Variants in FAAH observed in about 807,000 individuals in gnomAD.
FAAH encodes fatty acid amide hydrolase.
A neutral mutation model predicts 69.7 loss-of-function variants in FAAH; 63 were observed. That is an observed-to-expected ratio of 0.90 (90% CI 0.74 to 1.12). FAAH has a LOEUF of 1.12. FAAH is among the 50% of genes most tolerant of loss of function. The pLI, the probability that FAAH is intolerant of heterozygous loss-of-function variation, is 0.00. For synonymous variants in FAAH, 305 were observed against 324.2 expected, an observed-to-expected ratio of 0.94 and a Z score of 0.64; for missense variants, 680 against 755.0, an observed-to-expected ratio of 0.90 and a Z score of 1.16.
intron 1 of FAAH, among the ~76,000 whole-genome samples, chr1:46,401,542 A>T (rs1036728820): frequency 6.6e-6 from 1 of 151,962 alleles, no homozygotes; most frequent in African/African-American, 2.4e-5. Context: ...CAACCCCCTG[A>T]GTAGTGTTCA....
chr1:46,411,565 CCGTGGCTGTGACCAT>C lies in FAAH; in HGVS notation c.1317-45_1317-31del. ...AGTAGGGGTCTGATGTTGCTGATCT[CCGTGGCTGTGACCAT>C]CATGGCTGGTGACCACACTCCTTCT... On this transcript the variant is annotated intron_variant, in intron 11 of 14. Coordinates refer to ENST00000243167, the MANE Select transcript of FAAH (RefSeq NM_001441.3). The surrounding 1 kb of genome is among the most constrained non-coding windows in gnomAD (Gnocchi z 4.8). The C allele has an allele frequency of 6.2e-7, 1 of 1,610,398 alleles. No homozygotes were observed. The highest frequency in any genetic ancestry group is 8.5e-7 in the Non-Finnish European group (1 of 1,177,360).
At position 46,402,159 on chromosome 1, in the gene FAAH, T is replaced by C; in HGVS notation, c.264T>C (p.Ser88=). The C allele has an allele frequency of 5.0e-6, 8 of 1,609,628 alleles. No individual in the cohort carries two copies. The highest frequency in any genetic ancestry group is 6.8e-6 in the Non-Finnish European group (8 of 1,177,986). ...CTCAGCTGGTGCAGAAGTTACACAG[T>C]AGAGAGCTGGCCCCTGAGGCCGTGC... ...PLPQLVQKLH[S]RELAPEAVLF... The change falls in exon 2 of 15, where the codon AGT becomes AGC. Residue 88 remains serine (S), a synonymous_variant. Coordinates refer to ENST00000243167, the MANE Select transcript of FAAH (RefSeq NM_001441.3).
At chr1:46,406,608 A>C (rs1324666189) in intron 7 of FAAH, among the ~76,000 whole-genome samples, 1 of 112,600 alleles carries the variant, frequency 8.9e-6, no homozygotes, top group Non-Finnish European at 1.7e-5. Flanking sequence ...TTTGAGACTG[A>C]GTATCGCTCT....
intron 8 of FAAH, 83 bp from the exon 9 acceptor site, chr1:46,409,018 C>A: frequency 8.6e-7 from 1 of 1,164,926 alleles, no homozygotes; most frequent in Non-Finnish European, 1.3e-6. Context: ...TGGTCCAATC[C>A]ATCCTCAGGG....
chr1:46,413,413 G>A, intron 14 of FAAH, 34 bp from the exon 15 acceptor site: 1 of 1,613,936 alleles, frequency 6.2e-7, no homozygotes, highest in Non-Finnish European at 8.5e-7. Context: ...GTCCTGCCTT[G>A]CTAACCCTAT....
At position 46,398,094 on chromosome 1, in the gene FAAH, C is replaced by T. The variant is rs145537928; in HGVS notation, c.195+3551C>T. ...GGTTACAGGTGCCTGCCACCATGCC[C>T]GGCTAATTTTTGTATTTTTTAGTAG... is the stretch of plus-strand genomic sequence containing the variant. On this transcript the variant is annotated intron_variant, in intron 1 of 14. Transcript: ENST00000243167. 1.2e-3 allele frequency among the ~76,000 whole-genome samples: 183 copies of T among 151,800 alleles called. 1 individual carries two copies. Among genetic ancestry groups the T allele is most frequent in the Non-Finnish European group, 1.8e-3 (123 of 67,910 alleles).
intron 7 of FAAH, among the ~76,000 whole-genome samples, chr1:46,408,177 T>C (rs1484717980): frequency 1.3e-5 from 2 of 152,182 alleles, no homozygotes; most frequent in African/African-American, 4.8e-5. Flanking sequence ...CTTGTCACTC[T>C]GCATTGGGTA....
chr1:46,407,560 C>G (rs1664821709), intron 7 of FAAH, among the ~76,000 whole-genome samples: 1 of 152,062 alleles, frequency 6.6e-6, no homozygotes, highest in African/African-American at 2.4e-5. Flanking sequence ...GTATTTTGCT[C>G]TCTTGAGTGT....
At position 46,410,717 on chromosome 1, in the gene FAAH, G is replaced by A. The variant is rs1045280918; in HGVS notation, c.1276-97G>A. On this transcript the variant is annotated intron_variant, in intron 10 of 14. Transcript: ENST00000243167. This position sits in a 1 kb window ranked among gnomAD's most constrained non-coding sequence, Gnocchi z 4.9. Reference sequence around the variant, plus strand: ...GTGCCGACCTGGGCCCTGGGGGGAGGCATGGAGGGAGGGGTCCCCAGTGGC... The same window carrying A: ...GTGCCGACCTGGGCCCTGGGGGGAGACATGGAGGGAGGGGTCCCCAGTGGC... 33 of 1,473,760 alleles carry A rather than the reference G, an allele frequency of 2.2e-5. No homozygotes were observed. Among genetic ancestry groups the A allele is most frequent in the Non-Finnish European group, 3.1e-5 (33 of 1,052,324 alleles). The allele number at this position is 1,473,760 out of a possible 1,614,324, so 91.3% of individuals were successfully genotyped here. A position where few individuals can be genotyped will look rare whatever the true frequency, so the allele number is the denominator to read the frequency against.
intron 7 of FAAH, among the ~76,000 whole-genome samples, chr1:46,407,896 G>A (rs1664829784): frequency 6.6e-6 from 1 of 152,238 alleles, no homozygotes; most frequent in African/African-American, 2.4e-5. Context: ...AAGGCTGAGG[G>A]TTTGTGGACG....
chr1:46,394,565 G>A (rs72890727), intron 1 of FAAH, 22 bp downstream of exon 1: 357,616 of 1,334,500 alleles, frequency 0.27, 51,158 homozygotes, highest in Non-Finnish European at 0.3. Context: ...AGCGTAGTGG[G>A]ATGGGCGCGG....
intron 7 of FAAH, among the ~76,000 whole-genome samples, chr1:46,407,601 C>T (rs1198600091): frequency 6.6e-6 from 1 of 151,824 alleles, no homozygotes; most frequent in Non-Finnish European, 1.5e-5. Flanking sequence ...GGTACTCTCT[C>T]TCTCTCTGTC....
chr1:46,401,371 G>A (rs1409426030), intron 1 of FAAH, among the ~76,000 whole-genome samples: 1 of 152,086 alleles, frequency 6.6e-6, no homozygotes, highest in African/African-American at 2.4e-5. Flanking sequence ...TCACTGTGAG[G>A]GTCTGCGGCT....
chr1:46,399,848 A>T (rs149397484), intron 1 of FAAH, among the ~76,000 whole-genome samples: 1 of 152,326 alleles, frequency 6.6e-6, no homozygotes, highest in East Asian at 1.9e-4. Context: ...GGTTTTTCAT[A>T]AATATTTTCT....
intron 2 of FAAH, among the ~76,000 whole-genome samples, chr1:46,403,339 AC>A (rs978251888): frequency 1.4e-4 from 21 of 150,548 alleles, no homozygotes; most frequent in African/African-American, 5.2e-4. Flanking sequence ...GGAACTCCCA[AC>A]CTCAGGTGAT....
intron 1 of FAAH, among the ~76,000 whole-genome samples, chr1:46,398,589 A>G (rs1189747413): frequency 6.7e-6 from 1 of 149,310 alleles, no homozygotes; most frequent in Non-Finnish European, 1.5e-5. Flanking sequence ...GCTGGAGTGT[A>G]GTGGCTCAAT....
chr1:46,406,485 G>A, intron 7 of FAAH, 117 bp downstream of exon 7: 1 of 1,466,968 alleles, frequency 6.8e-7, no homozygotes, highest in Non-Finnish European at 9.4e-7. Flanking sequence ...GGCCTCTGAG[G>A]CCAGGGCGGG....
In FAAH at chr1:46,400,752, G is replaced by A. The variant is rs45559640; in HGVS notation, c.196-1339G>A. ...CTCGGGCTGGGTAGGGGATCTGGGG[G>A]ATGTGGGATGAGTGGAGAGCCTGGA... On this transcript the variant is annotated intron_variant, in intron 1 of 14. Coordinates refer to ENST00000243167, the MANE Select transcript of FAAH (RefSeq NM_001441.3). Among the ~76,000 whole-genome samples the A allele has an allele frequency of 2.7e-3, 352 of 128,730 alleles. 3 individuals are homozygous for A. The highest frequency in any genetic ancestry group is 5.2e-3 in the Non-Finnish European group (318 of 61,730). The allele number at this position is 128,730 out of a possible 152,430, so 84.5% of individuals were successfully genotyped here. A position where few individuals can be genotyped will look rare whatever the true frequency, so the allele number is the denominator to read the frequency against.
chr1:46,411,642 C>A lies in FAAH; in HGVS notation c.1347C>A (p.His449Gln). Reference sequence around the variant, plus strand: ...CTGGAAAACTCTGGGAACTGCAGCACGAGATCGAGGTGAGGCCAGAGCCTC... The same window carrying A: ...CTGGAAAACTCTGGGAACTGCAGCAAGAGATCGAGGTGAGGCCAGAGCCTC... ...RSAGKLWELQ[H>Q]EIEVYRKTVI... Residue 449 changes from histidine (H) to glutamine (Q), a missense_variant, in exon 12 of 15, where the codon CAC (histidine) becomes CAA (glutamine). By Grantham distance (24) the His-to-Gln change is conservative. Coordinates refer to ENST00000243167, the MANE Select transcript of FAAH (RefSeq NM_001441.3). This position sits in a 1 kb window ranked among gnomAD's most constrained non-coding sequence, Gnocchi z 4.8. The A allele has an allele frequency of 6.2e-7, 1 of 1,613,652 alleles. No homozygotes were observed.
Sources: allele counts gnomAD v4.1 joint callset (sites outside exome capture counted in the v4.1 genomes callset), GRCh38; gene constraint gnomAD v4.1.1; non-coding constraint Gnocchi (gnomAD v3.1); transcripts MANE v1.5; gene names NCBI Gene and HGNC (gene_info 2026-07-23, HGNC 2026-07-21).